The following SORD variants were observed in gnomAD, a reference collection of about 807,000 sequenced individuals.
SORD encodes the protein (R,R)-butanediol dehydrogenase.
In SORD, 18 loss-of-function variants were observed where a neutral mutation model predicts 35.6. The observed-to-expected ratio is 0.51, with a 90% CI of 0.35 to 0.75. The LOEUF is 0.75. Ranked by LOEUF, SORD falls within the 30% of genes least tolerant of loss-of-function variation. The pLI is 0.01. For synonymous variants in SORD, 106 were observed against 152.9 expected, an observed-to-expected ratio of 0.69 and a Z score of 2.26; for missense variants, 250 against 390.2, an observed-to-expected ratio of 0.64 and a Z score of 3.03.
chr15:45,062,135 C>A (rs559383361), intron 4 of SORD, among the ~76,000 whole-genome samples: 10,951 of 142,678 alleles, frequency 0.077, 647 homozygotes, highest in African/African-American at 0.28. Context: ...AAGTGGTTTG[C>A]ATGCTTCAAT....
chr15:45,030,346 C>A (rs889941992), intron 1 of SORD, among the ~76,000 whole-genome samples: 3 of 149,362 alleles, frequency 2.0e-5, no homozygotes, highest in African/African-American at 7.6e-5. Context: ...AACTGCACAA[C>A]AGAAATTAAG....
Position 45,070,137 on chromosome 15 carries a change from C to G in SORD, c.786+1085C>G, listed in dbSNP as rs1332602260. The G allele has an allele frequency of 2.0e-5, 3 of 152,082 alleles. No individual in the cohort carries two copies. In the East Asian group the frequency reaches 5.8e-4, roughly 29 times the overall value. The allele number at this position is 152,082 out of a possible 1,614,324, so 9.4% of individuals were successfully genotyped here. A position where few individuals can be genotyped will look rare whatever the true frequency, so the allele number is the denominator to read the frequency against. On this transcript the variant is annotated intron_variant, in intron 7 of 8. Coordinates refer to ENST00000267814, the MANE Select transcript of SORD (RefSeq NM_003104.6). ...GGATTTGTGGTTTGTTTGAGGCAAG[C>G]CAAGTCAGGCCCAGGCCCAGCCCTG...
intron 7 of SORD, chr15:45,070,854 G>C (rs1451917802): frequency 2.6e-5 from 4 of 152,250 alleles, no homozygotes; most frequent in Non-Finnish European, 4.4e-5. Flanking sequence ...ATTTGGAACA[G>C]TTGGCATTTC....
chr15:45,052,315 A>T (rs1344382945), intron 3 of SORD, among the ~76,000 whole-genome samples: 1 of 152,176 alleles, frequency 6.6e-6, no homozygotes, highest in African/African-American at 2.4e-5. Context: ...TGTGATGGGG[A>T]TGGGGACAGC....
At chr15:45,072,808 C>T (rs1893533788) in intron 8 of SORD, among the ~76,000 whole-genome samples, 1 of 142,604 alleles carries the variant, frequency 7.0e-6, no homozygotes, top group Middle Eastern at 3.4e-3. Flanking sequence ...AAATCAAGTC[C>T]TGTGGCTTCC....
At chr15:45,036,410 G>T in intron 1 of SORD, 2 of 453,546 alleles carry the variant, frequency 4.4e-6, no homozygotes, top group Non-Finnish European at 8.9e-6. Context: ...TAAGAAATTC[G>T]GCCAGGCACA....
chr15:45,053,899 G>T (rs1595503381), intron 3 of SORD, among the ~76,000 whole-genome samples: 1 of 138,308 alleles, frequency 7.2e-6, no homozygotes, highest in Admixed American at 7.5e-5. Context: ...GCGGTGTTTG[G>T]TTTTTTGTCC....
chr15:45,029,267 C>T (rs906719526), intron 1 of SORD, among the ~76,000 whole-genome samples: 4 of 152,288 alleles, frequency 2.6e-5, no homozygotes, highest in African/African-American at 9.6e-5. Context: ...CCTCCACCAA[C>T]AGCTCTGGAA....
chr15:45,048,698 GA>G (rs1419856572), intron 3 of SORD, among the ~76,000 whole-genome samples: 1 of 152,112 alleles, frequency 6.6e-6, no homozygotes, highest in East Asian at 1.9e-4. Context: ...TCATGACCAG[GA>G]AAATTAAGGA....
chr15:45,040,829 C>T (rs1423818791), intron 2 of SORD, among the ~76,000 whole-genome samples: 1 of 152,208 alleles, frequency 6.6e-6, no homozygotes, highest in African/African-American at 2.4e-5. Context: ...CTAACCCAAA[C>T]TTTGAAAAGG....
In SORD at chr15:45,062,951, A is replaced by C. The variant is rs183225242; in HGVS notation, c.425+1725A>C. 2.3e-4 allele frequency among the ~76,000 whole-genome samples: 33 copies of C among 146,300 alleles called. 1 individual carries two copies. The highest frequency in any genetic ancestry group is 6.7e-4 in the Admixed American group (10 of 14,988). On this transcript the variant is annotated intron_variant, in intron 4 of 8. Coordinates refer to ENST00000267814, the MANE Select transcript of SORD (RefSeq NM_003104.6). The stretch of plus-strand genomic sequence containing the variant: ...CAGCATGAGGTCTGGCACATAGTAA[A>C]TGCTCAGTAAATGGTACCAAGCTAT...
intron 1 of SORD, among the ~76,000 whole-genome samples, chr15:45,038,128 C>CTTCCTTCCTTCTTTCCTTCT (rs1368127181): frequency 7.7e-5 from 1 of 13,044 alleles, no homozygotes; most frequent in East Asian, 1.0e-3. Context: ...CGCATCCTCC[C>CTTCCTTCCTTCTTTCCTTCT]TTCCTTCCTT....
In SORD at chr15:45,029,866, TC is replaced by T. The variant is rs751087592; in HGVS notation, c.66+6518del. Among the ~76,000 whole-genome samples, 39 of 152,360 alleles carry T rather than the reference TC, an allele frequency of 2.6e-4. No individual in the cohort carries two copies. The Middle Eastern group carries it at 0.01, about 40-fold the overall frequency. Reference sequence around the variant, plus strand: ...AAGTCAGGTTGTCTCCTCCCCGAAGTCAGGTCATTTCCCCCTCTACCAACTG... The same window carrying T: ...AAGTCAGGTTGTCTCCTCCCCGAAGTAGGTCATTTCCCCCTCTACCAACTG... On this transcript the variant is annotated intron_variant, in intron 1 of 8. Transcript: ENST00000267814.
At chr15:45,059,077 A>G (rs185997994) in intron 3 of SORD, among the ~76,000 whole-genome samples, 2 of 152,234 alleles carry the variant, frequency 1.3e-5, no homozygotes, top group East Asian at 3.9e-4. Flanking sequence ...TCACTCCCTT[A>G]TCTGTGCCTG....
intron 1 of SORD, among the ~76,000 whole-genome samples, chr15:45,031,043 G>A (rs534035486): frequency 1.3e-5 from 2 of 152,194 alleles, no homozygotes; most frequent in South Asian, 2.1e-4. Context: ...AGGGGAGGTC[G>A]GGGCAGCCAT....
In SORD at chr15:45,023,260, G is replaced by A; in HGVS notation, c.-24G>A. 1.3e-6 allele frequency: 2 copies of A among 1,544,912 alleles called. No homozygotes were observed. Among genetic ancestry groups the A allele is most frequent in the Non-Finnish European group, 1.7e-6 (2 of 1,146,778 alleles). On this transcript the variant is annotated 5_prime_UTR_variant, in exon 1 of 9. Transcript: ENST00000267814. ...CCAAACGTCCCGCGCCTTCCAGGCCGCACTCCAGAGCCAAAAGAGCTCCAT... is the reference window on the plus strand; with the variant it reads ...CCAAACGTCCCGCGCCTTCCAGGCCACACTCCAGAGCCAAAAGAGCTCCAT...
Position 45,060,967 on chromosome 15 carries a change from C to T in SORD, c.266-100C>T, listed in dbSNP as rs139964205. 690 of 1,557,902 alleles carry T rather than the reference C, an allele frequency of 4.4e-4. 1 individual carries two copies. The African/African-American group carries it at 8.4e-3, about 19-fold the overall frequency. ...GCAAGCCTTCATAACATCTCTGCTT[C>T]TGCTGTTTTCAAAGGTTGGAAAACA... On this transcript the variant is annotated intron_variant, in intron 3 of 8. Coordinates refer to ENST00000267814, the MANE Select transcript of SORD (RefSeq NM_003104.6).
chr15:45,029,539 G>A (rs1375551272), intron 1 of SORD, among the ~76,000 whole-genome samples: 3 of 152,266 alleles, frequency 2.0e-5, no homozygotes, highest in African/African-American at 4.8e-5. Flanking sequence ...AGCCCCAGAG[G>A]GGCTGTTACA....
chr15:45,056,989 C>G (rs1358905561), intron 3 of SORD, among the ~76,000 whole-genome samples: 1 of 152,194 alleles, frequency 6.6e-6, no homozygotes, highest in Non-Finnish European at 1.5e-5. Context: ...TCTCAATGCG[C>G]ACACCTTTGA....
Sources: gnomAD v4.1 joint callset for allele counts (sites outside exome capture counted in the v4.1 genomes callset) on GRCh38, gnomAD v4.1.1 for gene constraint, MANE v1.5 for transcripts, NCBI Gene and HGNC (gene_info 2026-07-23, HGNC 2026-07-21) for gene names.